The following SH3GL2 variants were observed in gnomAD, a reference collection of about 807,000 sequenced individuals.
SH3GL2 encodes the protein SH3 domain containing GRB2 like 2, endophilin A1, also known as endophilin-A1.
A neutral mutation model predicts 46.0 loss-of-function variants in SH3GL2; 24 were observed. That is an observed-to-expected ratio of 0.52 (90% CI 0.38 to 0.73). The LOEUF is 0.73. Among genes scored for constraint, SH3GL2 ranks in the 30% least tolerant of loss-of-function variants. The pLI is 0.00. For missense variants in SH3GL2, 413 were observed against 424.2 expected (o/e 0.97, Z 0.23); for synonymous variants, 196 against 147.1 (o/e 1.33, Z -2.40).
At chr9:17,685,026 C>T (rs1214032919) in intron 1 of SH3GL2, among the ~76,000 whole-genome samples, 3 of 152,042 alleles carry the variant, frequency 2.0e-5, no homozygotes, top group Non-Finnish European at 4.4e-5. Flanking sequence ...TTGTTTAATC[C>T]TAATACATGG....
chr9:17,656,509 C>T (rs1820080820), intron 1 of SH3GL2, among the ~76,000 whole-genome samples: 1 of 151,912 alleles, frequency 6.6e-6, no homozygotes, highest in Admixed American at 6.6e-5. Flanking sequence ...TGAAAATGAT[C>T]TGTTGCATTT....
At chr9:17,624,812 G>A (rs550892412) in intron 1 of SH3GL2, among the ~76,000 whole-genome samples, 1 of 152,220 alleles carries the variant, frequency 6.6e-6, no homozygotes, top group African/African-American at 2.4e-5. Context: ...GGTATAGGCA[G>A]TATGGTCTGT....
chr9:17,731,443 G>A (rs1217285578), intron 1 of SH3GL2, among the ~76,000 whole-genome samples: 4 of 151,530 alleles, frequency 2.6e-5, no homozygotes, highest in Non-Finnish European at 5.9e-5. Context: ...GAGAAAGAGA[G>A]AGAGAGAGAC....
intron 1 of SH3GL2, among the ~76,000 whole-genome samples, chr9:17,681,303 G>GTACTT (rs534430688): frequency 9.2e-4 from 140 of 152,232 alleles, no homozygotes; most frequent in African/African-American, 3.1e-3. Flanking sequence ...ACAGTGAGTA[G>GTACTT]TACTTTACAG....
chr9:17,662,157 T>C (rs1820234725), intron 1 of SH3GL2, among the ~76,000 whole-genome samples: 1 of 152,208 alleles, frequency 6.6e-6, no homozygotes, highest in African/African-American at 2.4e-5. Context: ...TTAGATCCTG[T>C]TGGTTGATGT....
rs1295083243 is a variant in SH3GL2 at position 17,761,527 on chromosome 9, A to G, written c.187+18A>G. 2 of 1,414,782 alleles carry G rather than the reference A, an allele frequency of 1.4e-6. No individual in the cohort carries two copies. Among genetic ancestry groups the G allele is most frequent in the Non-Finnish European group, 2.0e-6 (2 of 997,920 alleles). The allele number at this position is 1,414,782 out of a possible 1,614,324, so 87.6% of individuals were successfully genotyped here. A position where few individuals can be genotyped will look rare whatever the true frequency, so the allele number is the denominator to read the frequency against. The stretch of plus-strand genomic sequence containing the variant: ...CAATCCAGGTAAGGCATCATCTTAT[A>G]TGTTTAAAGGATCCCTCGAGGTAAC... On this transcript the variant is annotated intron_variant, in intron 3 of 8. Transcript: ENST00000380607.
intron 3 of SH3GL2, among the ~76,000 whole-genome samples, chr9:17,784,967 G>T (rs78197793): frequency 6.6e-6 from 1 of 152,112 alleles, no homozygotes; most frequent in African/African-American, 2.4e-5. Context: ...CCTGCTTTGG[G>T]CACCAAAGGT....
chr9:17,736,617 C>A (rs1261481745), intron 1 of SH3GL2, among the ~76,000 whole-genome samples: 1 of 152,148 alleles, frequency 6.6e-6, no homozygotes, highest in Non-Finnish European at 1.5e-5. Context: ...CATTTGGTGA[C>A]ATAAAATGCT....
chr9:17,596,184 A>G (rs951435838), intron 1 of SH3GL2, among the ~76,000 whole-genome samples: 1 of 152,144 alleles, frequency 6.6e-6, no homozygotes, highest in African/African-American at 2.4e-5. Context: ...AACTATTGGA[A>G]CACCTGCCCT....
chr9:17,723,215 GT>G (rs1203054636), intron 1 of SH3GL2, among the ~76,000 whole-genome samples: 1 of 151,928 alleles, frequency 6.6e-6, no homozygotes, highest in Non-Finnish European at 1.5e-5. Context: ...TATTTTTTAT[GT>G]TTTTTATATT....
At chr9:17,595,452 A>G (rs1201441438) in intron 1 of SH3GL2, among the ~76,000 whole-genome samples, 1 of 152,236 alleles carries the variant, frequency 6.6e-6, no homozygotes. Context: ...TAGCAAGAGT[A>G]TAAGAACATG....
At chr9:17,787,248 C>A in intron 4 of SH3GL2, 132 bp from the exon 5 acceptor site, 1 of 689,552 alleles carries the variant, frequency 1.5e-6, no homozygotes, top group Non-Finnish European at 2.5e-6. Flanking sequence ...ACTGAAGATA[C>A]CTATTCTCTC....
intron 1 of SH3GL2, among the ~76,000 whole-genome samples, chr9:17,608,984 T>C (rs137858071): frequency 1.3e-5 from 2 of 152,330 alleles, no homozygotes; most frequent in African/African-American, 4.8e-5. Context: ...CACTTACAGG[T>C]GATCCGCTCT....
At chr9:17,645,151 CTTTTTTTTTTTTTTTT>C (rs57611978) in intron 1 of SH3GL2, among the ~76,000 whole-genome samples, 1,619 of 68,864 alleles carry the variant, frequency 0.024, 40 homozygotes, top group African/African-American at 0.095. Flanking sequence ...GCAAACGCTG[CTTTTTTTTTTTTTTTT>C]TTTTTTTTTT....
intron 1 of SH3GL2, chr9:17,630,265 T>C (rs1563789638): frequency 1.3e-5 from 2 of 152,248 alleles, no homozygotes. Context: ...GAAATATTTA[T>C]TGAATGAATG....
chr9:17,782,892 G>A (rs1823851260), intron 3 of SH3GL2, among the ~76,000 whole-genome samples: 2 of 152,176 alleles, frequency 1.3e-5, no homozygotes, highest in South Asian at 4.2e-4. Flanking sequence ...ATAGTATTAG[G>A]GCTGCTGCTT....
intron 1 of SH3GL2, among the ~76,000 whole-genome samples, chr9:17,582,897 A>G (rs1818303644): frequency 6.6e-6 from 1 of 152,118 alleles, no homozygotes; most frequent in South Asian, 2.1e-4. Context: ...TGCTCACATG[A>G]CATTCTCCCT....
intron 1 of SH3GL2, among the ~76,000 whole-genome samples, chr9:17,731,711 G>A (rs936115988): frequency 6.6e-6 from 1 of 152,098 alleles, no homozygotes; most frequent in Non-Finnish European, 1.5e-5. Context: ...CTCCCTCATC[G>A]CTGTTAGGAT....
chr9:17,639,132 T>A (rs2134639547), intron 1 of SH3GL2, among the ~76,000 whole-genome samples: 1 of 152,334 alleles, frequency 6.6e-6, no homozygotes, highest in African/African-American at 2.4e-5. Context: ...ATTGCCATTT[T>A]CTCTCATGAC....
Sources: allele counts gnomAD v4.1 joint callset (sites outside exome capture counted in the v4.1 genomes callset), GRCh38; gene constraint gnomAD v4.1.1; transcripts MANE v1.5; gene names NCBI Gene and HGNC (gene_info 2026-07-23, HGNC 2026-07-21).